Variants in FAM13B observed in about 807,000 individuals in gnomAD.
FAM13B encodes family with sequence similarity 13 member B.
FAM13B carries 60 observed loss-of-function variants against 117.3 expected under a neutral mutation model. That is an observed-to-expected ratio of 0.51 (90% CI 0.42 to 0.63). FAM13B has a LOEUF of 0.63. Ranked by LOEUF, FAM13B falls within the 30% of genes least tolerant of loss-of-function variation. The pLI is 0.00. For synonymous variants in FAM13B, 332 were observed against 356.1 expected, an observed-to-expected ratio of 0.93 and a Z score of 0.76; for missense variants, 972 against 1,091.9, an observed-to-expected ratio of 0.89 and a Z score of 1.55.
In FAM13B at chr5:137,970,509, C is replaced by A. The variant is rs1771757097; in HGVS notation, c.1180-8040G>T. 2.0e-5 allele frequency among the ~76,000 whole-genome samples: 3 copies of A among 151,884 alleles called. No individual in the cohort carries two copies. In the South Asian group the frequency reaches 6.2e-4, roughly 32 times the overall value. ...CGGTACCAGCCACTGCAAAATCATG[C>A]CAAAATGTAAAGACCATCGAGACTA... On this transcript the variant is annotated intron_variant, in intron 10 of 23. Coordinates refer to ENST00000689681, the MANE Select transcript of FAM13B (RefSeq NM_001385994.1).
chr5:138,047,486 C>T (rs1270447631), intron 1 of FAM13B, among the ~76,000 whole-genome samples: 1 of 137,176 alleles, frequency 7.3e-6, no homozygotes, highest in Non-Finnish European at 1.6e-5. Context: ...AGCCTGGTGA[C>T]AGAGCAAGAC....
intron 7 of FAM13B, among the ~76,000 whole-genome samples, chr5:137,998,909 G>T (rs914645482): frequency 6.6e-6 from 1 of 152,184 alleles, no homozygotes; most frequent in Non-Finnish European, 1.5e-5. Context: ...TCTGTGCTCT[G>T]GTAGAGATGG....
rs778732268 is a variant in FAM13B at position 138,019,099 on chromosome 5, A to G, written c.13T>C (p.Ser5Pro). Reference protein sequence around the residue: MRKSSSPSLSNCNSV... With the variant: MRKSPSPSLSNCNSV... ...TTGCAGTTACTCAAGGAAGGGGAGG[A>G]GCTCTTCCTCATATCTTTTTTGCAG... The change falls in exon 3 of 24, where the codon TCC becomes CCC. Residue 5 changes from serine to proline, a missense_variant. Ser to Pro is a moderately conservative substitution (Grantham distance 74). Transcript: ENST00000689681. 35 of 1,613,538 alleles carry G rather than the reference A, an allele frequency of 2.2e-5. No individual in the cohort carries two copies. The highest frequency in any genetic ancestry group is 2.9e-5 in the Non-Finnish European group (34 of 1,179,872).
At chr5:137,956,158 GT>G (rs1430488987) in intron 14 of FAM13B, among the ~76,000 whole-genome samples, 1 of 152,100 alleles carries the variant, frequency 6.6e-6, no homozygotes, top group Non-Finnish European at 1.5e-5. Context: ...AATTTAGTTT[GT>G]TTTTGAAGCC....
At chr5:138,022,406 C>T (rs1266213420) in intron 1 of FAM13B, among the ~76,000 whole-genome samples, 2 of 152,140 alleles carry the variant, frequency 1.3e-5, no homozygotes, top group African/African-American at 4.8e-5. Context: ...CAGGACTCTG[C>T]CCAAGAAGCT....
At chr5:138,051,337 G>A (rs1438283361) in intron 1 of FAM13B, among the ~76,000 whole-genome samples, 2 of 152,112 alleles carry the variant, frequency 1.3e-5, no homozygotes, top group Admixed American at 6.5e-5. Context: ...AAACAAAATT[G>A]TTTAGAATTA....
At chr5:138,028,773 C>G (rs868705381) in intron 1 of FAM13B, among the ~76,000 whole-genome samples, 1 of 152,210 alleles carries the variant, frequency 6.6e-6, no homozygotes, top group Admixed American at 6.5e-5. Context: ...AATGCCAGCA[C>G]TTTGGGAGGC....
At chr5:137,943,891 A>G (rs941376667) in intron 20 of FAM13B, among the ~76,000 whole-genome samples, 2 of 152,202 alleles carry the variant, frequency 1.3e-5, no homozygotes, top group Non-Finnish European at 2.9e-5. Context: ...ATTATATATC[A>G]TAAAATTCAC....
chr5:138,013,122 G>C (rs1043154037), intron 4 of FAM13B, among the ~76,000 whole-genome samples: 2 of 152,108 alleles, frequency 1.3e-5, no homozygotes, highest in Non-Finnish European at 2.9e-5. Context: ...AGGATGGCTT[G>C]AGCCTGGGAG....
chr5:137,991,497 C>A (rs572369777), intron 7 of FAM13B, among the ~76,000 whole-genome samples: 1 of 152,348 alleles, frequency 6.6e-6, no homozygotes, highest in South Asian at 2.1e-4. Flanking sequence ...GTATCAGAAT[C>A]TCCTGAAGTG....
intron 1 of FAM13B, among the ~76,000 whole-genome samples, chr5:138,031,704 A>T (rs1419811124): frequency 2.6e-5 from 4 of 152,106 alleles, no homozygotes; most frequent in African/African-American, 9.7e-5. Flanking sequence ...AAAAAAAGTA[A>T]GAAGGCGCTC....
intron 1 of FAM13B, among the ~76,000 whole-genome samples, chr5:138,029,241 T>C (rs79987802): frequency 0.034 from 5,152 of 152,314 alleles, 128 homozygotes; most frequent in Middle Eastern, 0.054. Flanking sequence ...GGTTCAAAGT[T>C]ACTGAATTAG....
intron 1 of FAM13B, among the ~76,000 whole-genome samples, chr5:138,043,318 G>A (rs1033432720): frequency 2.4e-4 from 37 of 152,170 alleles, no homozygotes; most frequent in African/African-American, 8.7e-4. Flanking sequence ...ATCCATGATT[G>A]TGCCACTGCA....
intron 1 of FAM13B, among the ~76,000 whole-genome samples, chr5:138,049,705 A>T (rs752469134): frequency 3.3e-5 from 5 of 152,180 alleles, no homozygotes; most frequent in Non-Finnish European, 5.9e-5. Flanking sequence ...TCTCACTCGG[A>T]TATTGTCCAC....
chr5:137,960,158 G>A lies in FAM13B; in HGVS notation c.1293+8C>T. On this transcript the variant is annotated splice_region_variant and intron_variant, in intron 12 of 23. Coordinates refer to ENST00000689681, the MANE Select transcript of FAM13B (RefSeq NM_001385994.1). ...TTTTAAAGACTAAGACAAAAAAATA[G>A]TTCTTACCAGAATCAAGTGTGACAA... The A allele has an allele frequency of 6.6e-7, 1 of 1,512,038 alleles. No individual in the cohort carries two copies. The highest frequency in any genetic ancestry group is 9.1e-7 in the Non-Finnish European group (1 of 1,101,634). The allele number at this position is 1,512,038 out of a possible 1,614,324, so 93.7% of individuals were successfully genotyped here. A position where few individuals can be genotyped will look rare whatever the true frequency, so the allele number is the denominator to read the frequency against.
Position 137,939,931 on chromosome 5 carries a change from A to G in FAM13B, c.*294T>C. The G allele has an allele frequency of 7.4e-7, 1 of 1,352,720 alleles. No homozygotes were observed. Among genetic ancestry groups the G allele is most frequent in the South Asian group, 2.2e-5 (1 of 46,360 alleles). 83.8% of individuals were successfully genotyped at this position (1,352,720 alleles called of 1,614,324 possible). On this transcript the variant is annotated 3_prime_UTR_variant, in exon 24 of 24. Coordinates refer to ENST00000689681, the MANE Select transcript of FAM13B (RefSeq NM_001385994.1). Reference sequence around the variant, plus strand: ...AAGTTCTTGAAGTTGAAAGGATAAAATTCCAGTCTTTTGCTAAAAGGATGT... The same window carrying G: ...AAGTTCTTGAAGTTGAAAGGATAAAGTTCCAGTCTTTTGCTAAAAGGATGT...
At chr5:137,988,189 G>A (rs1777705320) in intron 8 of FAM13B, 85 bp downstream of exon 8, 2 of 1,034,092 alleles carry the variant, frequency 1.9e-6, no homozygotes, top group East Asian at 2.8e-5. Context: ...CCTCTAAAGT[G>A]AGCACAAGTA....
Position 138,048,789 on chromosome 5 carries a change from A to C in FAM13B, c.-203+3089T>G, listed in dbSNP as rs775740265. ...ATGCATTACATGCTCTTTCTCATAT[A>C]TTCACAATATTTTTAAAAGTATTCA... is the stretch of plus-strand genomic sequence containing the variant. On this transcript the variant is annotated intron_variant, in intron 1 of 3. Coordinates refer to the FAM13B transcript ENST00000502471. 7.9e-5 allele frequency among the ~76,000 whole-genome samples: 12 copies of C among 152,264 alleles called. No homozygotes were observed. In the South Asian group the frequency reaches 2.5e-3, roughly 32 times the overall value.
intron 12 of FAM13B, 116 bp downstream of exon 12, chr5:137,960,050 T>C: frequency 1.4e-6 from 1 of 722,984 alleles, no homozygotes; most frequent in Admixed American, 3.2e-5. Flanking sequence ...GTAAAATATT[T>C]GGTAAGAGTA....
Sources: allele counts gnomAD v4.1 joint callset (sites outside exome capture counted in the v4.1 genomes callset), GRCh38; gene constraint gnomAD v4.1.1; transcripts MANE v1.5; gene names NCBI Gene and HGNC (gene_info 2026-07-23, HGNC 2026-07-21).